Variants in MIER3 observed in about 807,000 individuals in gnomAD.
MIER3 encodes the protein MIER family member 3.
In MIER3, 9 loss-of-function variants were observed where a neutral mutation model predicts 63.2. The ratio of observed to expected loss-of-function variants is 0.14; its 90% CI spans 0.09 to 0.25. The LOEUF (loss-of-function observed/expected upper bound fraction) is 0.25. Ranked by LOEUF, MIER3 falls within the 10% of genes least tolerant of loss-of-function variation. The pLI is 1.00. For missense variants in MIER3, 512 were observed against 666.2 expected (o/e 0.77, Z 2.55); for synonymous variants, 205 against 224.9 (o/e 0.91, Z 0.79).
rs1471732656 is a variant in MIER3 at position 56,920,393 on chromosome 5, C to T, written c.*2735G>A. On this transcript the variant is annotated 3_prime_UTR_variant, in exon 13 of 13. Coordinates refer to ENST00000381199, the MANE Select transcript of MIER3 (RefSeq NM_001297599.2). ...TACATAAAAGATATATCAGCCAACA[C>T]TGCAACTGCTCACCATGAATTTTTG... The T allele has an allele frequency of 6.6e-6, 1 of 152,476 alleles. No homozygotes were observed. Among genetic ancestry groups the T allele is most frequent in the African/African-American group, 2.4e-5 (1 of 41,418 alleles). The allele number at this position is 152,476 out of a possible 1,614,324, so 9.4% of individuals were successfully genotyped here.
Position 56,924,183 on chromosome 5 carries a change from A to G in MIER3, c.925-141T>C. The G allele has an allele frequency of 1.1e-5, 9 of 822,228 alleles. 1 individual carries two copies. The South Asian group carries it at 2.0e-4, about 18-fold the overall frequency. The allele number at this position is 822,228 out of a possible 1,614,324, so 50.9% of individuals were successfully genotyped here. ...GTTCTGAACACTTTTAATAAATTAT[A>G]AAGTTCTGAACACTTTGATTAGTGG... On this transcript the variant is annotated intron_variant, in intron 10 of 12. Coordinates refer to ENST00000381199, the MANE Select transcript of MIER3 (RefSeq NM_001297599.2).
rs200988018 is a variant in MIER3 at position 56,923,785 on chromosome 5, C to A, written c.1101G>T (p.Thr367=). The A allele has an allele frequency of 6.2e-7, 1 of 1,614,142 alleles. No homozygotes were observed. ...LVDETEALGG[T]VNASALTSNR... ...TAGAAGTTAAGGCTGAAGCATTTAC[C>A]GTCCCACCCAAAGCTTCTGTTTCAT... Residue 367 remains threonine (T), a synonymous_variant, in exon 12 of 13, where the codon ACG becomes ACT. Coordinates refer to ENST00000381199, the MANE Select transcript of MIER3 (RefSeq NM_001297599.2).
At chr5:56,946,781 A>C (rs1285211444) in intron 3 of MIER3, 145 bp downstream of exon 3, 5 of 627,546 alleles carry the variant, frequency 8.0e-6, no homozygotes, top group Non-Finnish European at 1.3e-5. Context: ...ATTAAATGAA[A>C]GCATACTTAT....
chr5:56,936,966 T>C (rs1158052725), intron 5 of MIER3: 1 of 152,190 alleles, frequency 6.6e-6, no homozygotes, highest in Non-Finnish European at 1.5e-5. Flanking sequence ...TAAAGGTCTA[T>C]AAAATTTTGT....
chr5:56,940,056 G>A (rs1013532366), intron 3 of MIER3, among the ~76,000 whole-genome samples: 6 of 152,052 alleles, frequency 3.9e-5, no homozygotes, highest in Non-Finnish European at 5.9e-5. Flanking sequence ...AAGGCCAGTC[G>A]CAGTGGCTCA....
At chr5:56,925,764 A>G (rs2112078025) in intron 10 of MIER3, among the ~76,000 whole-genome samples, 1 of 152,254 alleles carries the variant, frequency 6.6e-6, no homozygotes, top group South Asian at 2.1e-4. Flanking sequence ...TTTATATGGA[A>G]AGGCAAAATA....
chr5:56,935,231 G>C (rs982885314), intron 7 of MIER3, among the ~76,000 whole-genome samples, 197 bp downstream of exon 7: 8 of 152,122 alleles, frequency 5.3e-5, no homozygotes, highest in African/African-American at 1.9e-4. Context: ...GGCAGGGTTG[G>C]GGGTGGGGGG....
At position 56,923,026 on chromosome 5, in the gene MIER3, T is replaced by C; in HGVS notation, c.*102A>G. ...ATACATACTGACATCACTGATGTCA[T>C]AGTGAGAAAGGTTCAAACTTCCAGT... is the stretch of plus-strand genomic sequence containing the variant. On this transcript the variant is annotated 3_prime_UTR_variant, in exon 13 of 13. Transcript: ENST00000381199. The C allele has an allele frequency of 1.2e-6, 1 of 858,784 alleles. No homozygotes were observed. Among genetic ancestry groups the C allele is most frequent in the South Asian group, 1.7e-5 (1 of 60,008 alleles). 53.2% of individuals were successfully genotyped at this position (858,784 alleles called of 1,614,324 possible).
At chr5:56,951,706 G>A (rs1381009312) in intron 1 of MIER3, among the ~76,000 whole-genome samples, 3 of 138,478 alleles carry the variant, frequency 2.2e-5, no homozygotes, top group African/African-American at 5.2e-5. Context: ...CGGAGGGGGG[G>A]CTCCGCCGGT....
chr5:56,937,705 GAAT>G lies in MIER3; in HGVS notation c.316-10_316-8del. 6.2e-7 allele frequency: 1 copy of G among 1,604,036 alleles called. No homozygotes were observed. The highest frequency in any genetic ancestry group is 2.2e-5 in the East Asian group (1 of 44,476). ...GGTCTTTTGCTATTTCCTCCTGGAAGAATAAGAAGGCAGTGCTACAGTTAGAAA... is the reference window on the plus strand; with the variant it reads ...GGTCTTTTGCTATTTCCTCCTGGAAGAAGAAGGCAGTGCTACAGTTAGAAA... On this transcript the variant is annotated splice_region_variant and splice_polypyrimidine_tract_variant and intron_variant, in intron 4 of 12. Coordinates refer to ENST00000381199, the MANE Select transcript of MIER3 (RefSeq NM_001297599.2).
At chr5:56,925,105 C>A (rs552226324) in intron 10 of MIER3, among the ~76,000 whole-genome samples, 17 of 152,172 alleles carry the variant, frequency 1.1e-4, no homozygotes, top group Non-Finnish European at 1.9e-4. Flanking sequence ...TAAGTCATTA[C>A]AAAACTGATG....
chr5:56,949,228 C>T (rs574488698), intron 2 of MIER3, among the ~76,000 whole-genome samples: 1 of 152,128 alleles, frequency 6.6e-6, no homozygotes, highest in East Asian at 1.9e-4. Context: ...TGTGGTGGCG[C>T]ATCCCTGTAG....
rs746495462 is a variant in MIER3, at chr5:56,923,644, C to A, written c.1195+47G>T. On this transcript the variant is annotated intron_variant, in intron 12 of 12. Coordinates refer to ENST00000381199, the MANE Select transcript of MIER3 (RefSeq NM_001297599.2). ...GTCCTATGACATCAAACAGAGGACA[C>A]AATTTTGCAACAAACTGTACTAAAT... 8.7e-6 allele frequency: 14 copies of A among 1,613,182 alleles called. No individual in the cohort carries two copies. The South Asian group carries it at 1.4e-4, about 16-fold the overall frequency.
intron 1 of MIER3, among the ~76,000 whole-genome samples, chr5:56,951,810 G>T (rs1375414985): frequency 6.6e-6 from 1 of 151,316 alleles, no homozygotes; most frequent in Admixed American, 6.6e-5. Context: ...CTGGGGCAGG[G>T]CTCACTGCAG....
In MIER3 at chr5:56,947,601, G is replaced by A. The variant is rs543513059; in HGVS notation, c.35-530C>T. On this transcript the variant is annotated intron_variant, in intron 2 of 12. Transcript: ENST00000381199. ...AACAAATATAAGTTTCTGTGAAGCAGCTATACAGCCATTCAGCTTTTAAAA... is the reference window on the plus strand; with the variant it reads ...AACAAATATAAGTTTCTGTGAAGCAACTATACAGCCATTCAGCTTTTAAAA... Among the ~76,000 whole-genome samples, 232 of 152,268 alleles carry A rather than the reference G, an allele frequency of 1.5e-3. 3 individuals carry two copies. The highest frequency in any genetic ancestry group is 6.4e-3 in the South Asian group (31 of 4,828).
rs566613304 is a variant in MIER3, at chr5:56,936,083, G to C, written c.437-332C>G. On this transcript the variant is annotated intron_variant, in intron 5 of 12. Transcript: ENST00000381199. ...TACAAAAAAATTAGCCGGGCGTGGT[G>C]GGGGGTGCCTGTCATCCCAGCTACT... is the stretch of plus-strand genomic sequence containing the variant. Among the ~76,000 whole-genome samples, 11 of 152,204 alleles carry C rather than the reference G, an allele frequency of 7.2e-5. No homozygotes were observed. In the South Asian group the frequency reaches 2.1e-3, roughly 29 times the overall value.
chr5:56,925,926 G>GC (rs1450473825), intron 10 of MIER3, among the ~76,000 whole-genome samples: 1 of 151,946 alleles, frequency 6.6e-6, no homozygotes, highest in East Asian at 1.9e-4. Flanking sequence ...AGAAGAGAGA[G>GC]CCCAGAAATA....
chr5:56,930,348 T>C (rs905704798), intron 9 of MIER3, among the ~76,000 whole-genome samples: 4 of 151,760 alleles, frequency 2.6e-5, no homozygotes, highest in Admixed American at 2.6e-4. Flanking sequence ...AAAGAAAAAA[T>C]CTTTTTTTCA....
chr5:56,923,550 T>G lies in MIER3; in HGVS notation c.1231A>C (p.Thr411Pro). The G allele has an allele frequency of 6.2e-7, 1 of 1,614,062 alleles. No homozygotes were observed. The highest frequency in any genetic ancestry group is 8.5e-7 in the Non-Finnish European group (1 of 1,179,956). ...TNSVATVCDP[T>P]DVNCLDDSFP... ...CTATCATCCAAACAATTCACATCTGTGGGGTCGCAGACGGTTGCTACACTG... is the reference window on the plus strand; with the variant it reads ...CTATCATCCAAACAATTCACATCTGGGGGGTCGCAGACGGTTGCTACACTG... Residue 411 changes from threonine to proline, a missense_variant, in exon 13 of 13, where the codon ACA becomes CCA. By Grantham distance (38) the Thr-to-Pro change is conservative. Coordinates refer to ENST00000381199, the MANE Select transcript of MIER3 (RefSeq NM_001297599.2).
Sources: allele counts gnomAD v4.1 joint callset (sites outside exome capture counted in the v4.1 genomes callset), GRCh38; gene constraint gnomAD v4.1.1; transcripts MANE v1.5; gene names NCBI Gene and HGNC (gene_info 2026-07-23, HGNC 2026-07-21).